Variants in CIAO3 observed in about 807,000 individuals in gnomAD.
CIAO3 encodes the protein cytosolic iron-sulfur assembly component 3.
A neutral mutation model predicts 51.5 loss-of-function variants in CIAO3; 45 were observed. The ratio of observed to expected loss-of-function variants is 0.87; its 90% CI spans 0.69 to 1.12. The LOEUF is 1.12. Ranked by LOEUF, CIAO3 falls within the 50% of genes most tolerant of loss-of-function variation. The probability of loss-of-function intolerance (pLI) is 0.00; values close to 1 mark genes in which losing one functional copy is unlikely to be tolerated. For missense variants in CIAO3, 668 were observed against 632.5 expected (o/e 1.06, Z -0.60); for synonymous variants, 314 against 269.3 (o/e 1.17, Z -1.63).
At position 736,242 on chromosome 16, in the gene CIAO3, TGTTA is replaced by T. The variant is rs1567345357; in HGVS notation, c.439+20_439+23del. 6 of 1,612,024 alleles carry T rather than the reference TGTTA, an allele frequency of 3.7e-6. No homozygotes were observed. Among genetic ancestry groups the T allele is most frequent in the Middle Eastern group, 1.7e-4 (1 of 6,050 alleles). Reference sequence around the variant, plus strand: ...ACGCCCCCTTGATTTGGAGCGGCAGTGTTACCCCAGGTTCAAAGCCTACCTATTT... The same window carrying T: ...ACGCCCCCTTGATTTGGAGCGGCAGTCCCCAGGTTCAAAGCCTACCTATTT... On this transcript the variant is annotated intron_variant, in intron 4 of 10. Coordinates refer to ENST00000251588, the MANE Select transcript of CIAO3 (RefSeq NM_022493.3).
Position 730,975 on chromosome 16 carries a change from G to C in CIAO3, c.1060C>G (p.Leu354Val). Reference sequence around the variant, plus strand: ...AGCAGCACCTGGCCCTCCTTCTCCAGTGTCACCTCCTGGAAGTCTTTGTTC... The same window carrying C: ...AGCAGCACCTGGCCCTCCTTCTCCACTGTCACCTCCTGGAAGTCTTTGTTC... ...LRNKDFQEVT[L>V]EKEGQVLLHF... The change falls in exon 10 of 11, where the codon CTG (leucine) becomes GTG (valine). Residue 354 changes from leucine (L) to valine (V), a missense_variant. Leu to Val is a conservative substitution (Grantham distance 32). Transcript: ENST00000251588. The C allele has an allele frequency of 6.2e-7, 1 of 1,612,926 alleles. No individual in the cohort carries two copies. Among genetic ancestry groups the C allele is most frequent in the Non-Finnish European group, 8.5e-7 (1 of 1,179,972 alleles).
intron 4 of CIAO3, chr16:735,348 T>C (rs187545127): frequency 6.3e-6 from 1 of 158,880 alleles, no homozygotes; most frequent in Non-Finnish European, 1.4e-5. Context: ...GCCCAGCCAT[T>C]AGAACTGCTC....
At position 734,005 on chromosome 16, in the gene CIAO3, C is replaced by G. The variant is rs986357393; in HGVS notation, c.693+224G>C. 8.6e-5 allele frequency: 46 copies of G among 533,688 alleles called. 1 individual carries two copies. The highest frequency in any genetic ancestry group is 1.4e-4 in the Non-Finnish European group (42 of 294,152). The allele number at this position is 533,688 out of a possible 1,614,324, so 33.1% of individuals were successfully genotyped here. A position where few individuals can be genotyped will look rare whatever the true frequency, so the allele number is the denominator to read the frequency against. On this transcript the variant is annotated intron_variant, in intron 6 of 10. Transcript: ENST00000251588. The stretch of plus-strand genomic sequence containing the variant: ...GCCTCCTGCTCCCTCAGCCTCAGGC[C>G]TGGCTGCCTCTGGGTGAGCAGTGAG...
chr16:739,297 TCAAA>T (rs71890589), intron 2 of CIAO3: 79,847 of 289,796 alleles, frequency 0.28, 14,210 homozygotes, highest in East Asian at 0.76. Context: ...AGACTCTGTA[TCAAA>T]CAAACAAACA....
In CIAO3 at chr16:734,336, A is replaced by G; in HGVS notation, c.586T>C (p.Tyr196His). ...AAGCTGCCGTGAGTCTTCTCGGCAT[A>G]GCAGATCCAGCCTGAGGTGACAGGG... ...LASACPGWIC[Y>H]AEKTHGSFIL... Residue 196 changes from tyrosine to histidine, a missense_variant, in exon 6 of 11, where the codon TAT becomes CAT. Coordinates refer to ENST00000251588, the MANE Select transcript of CIAO3 (RefSeq NM_022493.3). 1 of 1,609,988 alleles carries G rather than the reference A, an allele frequency of 6.2e-7. No homozygotes were observed. Among genetic ancestry groups the G allele is most frequent in the Non-Finnish European group, 8.5e-7 (1 of 1,179,430 alleles).
At chr16:734,927 C>A (rs547698551) in intron 4 of CIAO3, 56 bp from the exon 5 acceptor site, 2 of 1,489,332 alleles carry the variant, frequency 1.3e-6, no homozygotes, top group Admixed American at 4.8e-5. Flanking sequence ...CACACGAGCA[C>A]ACGCCGGCGT....
At chr16:736,130 G>A (rs1332970322) in intron 4 of CIAO3, 136 bp downstream of exon 4, 1 of 1,145,218 alleles carries the variant, frequency 8.7e-7, no homozygotes, top group Admixed American at 2.2e-5. Context: ...TGAGGTCACA[G>A]AGGGAATAAA....
rs766639779 is a variant in CIAO3, at chr16:737,254, A to C, written c.238T>G (p.Ser80Ala). Residue 80 changes from serine (S) to alanine (A), a missense_variant, in exon 3 of 11, where the codon TCC becomes GCC. By Grantham distance (99) the Ser-to-Ala change is moderately conservative. Coordinates refer to ENST00000251588, the MANE Select transcript of CIAO3 (RefSeq NM_022493.3). The surrounding 1 kb of genome is among the most constrained non-coding windows in gnomAD (Gnocchi z 5.3). ...TGGGTGATAAGCACGGTCTCTGCGG[A>C]GGTGATGCAGCCGCTGCACGCCAGG... is the stretch of plus-strand genomic sequence containing the variant. ...DCLACSGCITSAETVLITQQS... is the reference protein window; with the variant it reads ...DCLACSGCITAAETVLITQQS... 3.1e-6 allele frequency: 5 copies of C among 1,613,352 alleles called. No homozygotes were observed. Among genetic ancestry groups the C allele is most frequent in the Non-Finnish European group, 4.2e-6 (5 of 1,180,014 alleles).
In CIAO3 at chr16:731,565, C is replaced by A; in HGVS notation, c.1034G>T (p.Arg345Met). The stretch of plus-strand genomic sequence containing the variant: ...CAGAGATCTGGCCCATCCCACTGAC[C>A]TCAGGGGTTTGTAGGTAACCTCAGC... ...HVAEVTYKPL[R>M]NKDFQEVTLE... Residue 345 changes from arginine to methionine, a missense_variant and splice_region_variant, in exon 9 of 11, where the codon AGG becomes ATG. Physicochemically the swap from Arg to Met is moderately conservative, Grantham distance 91. Transcript: ENST00000251588. The A allele has an allele frequency of 6.4e-7, 1 of 1,564,892 alleles. No individual in the cohort carries two copies. The highest frequency in any genetic ancestry group is 8.7e-7 in the Non-Finnish European group (1 of 1,155,298).
rs1469952306 is a variant in CIAO3 at position 737,812 on chromosome 16, AC to A, written c.163-484del. On this transcript the variant is annotated intron_variant, in intron 2 of 10. Transcript: ENST00000251588. The surrounding 1 kb of genome is among the most constrained non-coding windows in gnomAD (Gnocchi z 5.3). ...GCCTCCGGTGGGCGGGGCAGAAACA[AC>A]CGTCAGACTCGCCAAACAGATGCAG... 8.4e-7 allele frequency: 1 copy of A among 1,194,766 alleles called. No homozygotes were observed. The highest frequency in any genetic ancestry group is 1.1e-6 in the Non-Finnish European group (1 of 943,642). 74.0% of individuals were successfully genotyped at this position (1,194,766 alleles called of 1,614,324 possible).
rs1280254749 is a variant in CIAO3 at position 731,695 on chromosome 16, C to T, written c.904G>A (p.Gly302Ser). ...CTGGTGGGCTCCTCTGCAGAGGCAC[C>T]GCTGCACCTGGCAAGGAGGGAGGGG... Reference protein sequence around the residue: ...EPAPLDSLCSGASAEEPTSHR... With the variant: ...EPAPLDSLCSSASAEEPTSHR... Residue 302 changes from glycine to serine, a missense_variant, in exon 9 of 11, where the codon GGT becomes AGT. Physicochemically the swap from Gly to Ser is moderately conservative, Grantham distance 56 (BLOSUM62 0). Coordinates refer to ENST00000251588, the MANE Select transcript of CIAO3 (RefSeq NM_022493.3). The T allele has an allele frequency of 2.5e-5, 39 of 1,553,700 alleles. No individual in the cohort carries two copies. The highest frequency in any genetic ancestry group is 7.2e-5 in the East Asian group (3 of 41,912).
rs150800501 is a variant in CIAO3 at position 738,044 on chromosome 16, GCT to G, written c.163-717_163-716del. 3.0e-3 allele frequency: 3,307 copies of G among 1,106,816 alleles called. 84 individuals carry two copies. In the African/African-American group the frequency reaches 0.051, roughly 17 times the overall value. The allele number at this position is 1,106,816 out of a possible 1,614,324, so 68.6% of individuals were successfully genotyped here. A position where few individuals can be genotyped will look rare whatever the true frequency, so the allele number is the denominator to read the frequency against. ...CTGTGTGGGAACCCCTCGCAGCCCAGCTCTCTGCTAGGCCTGTGTATCACAAT... is the reference window on the plus strand; with the variant it reads ...CTGTGTGGGAACCCCTCGCAGCCCAGCTCTGCTAGGCCTGTGTATCACAAT... On this transcript the variant is annotated intron_variant, in intron 2 of 10. Coordinates refer to ENST00000251588, the MANE Select transcript of CIAO3 (RefSeq NM_022493.3).
chr16:738,936 G>A (rs1005860775), intron 2 of CIAO3, among the ~76,000 whole-genome samples: 1 of 148,536 alleles, frequency 6.7e-6, no homozygotes, highest in Non-Finnish European at 1.5e-5. Flanking sequence ...GAGCCACCGC[G>A]CCCAGCCTGA....
chr16:730,555 C>A lies in CIAO3; in HGVS notation c.1293G>T (p.Ala431=), dbSNP rs368193380. Residue 431 remains alanine (A), a synonymous_variant, in exon 11 of 11, where the codon GCG becomes GCT. Coordinates refer to ENST00000251588, the MANE Select transcript of CIAO3 (RefSeq NM_022493.3). ...ERLYGMVRAE[A]PEDAPGVQEL... is the part of the protein sequence containing the mutation. ...CCTGAACCCCAGGCGCGTCCTCGGGCGCCTCAGCCCGGACCATGCCGTACA... is the reference window on the plus strand; with the variant it reads ...CCTGAACCCCAGGCGCGTCCTCGGGAGCCTCAGCCCGGACCATGCCGTACA... 4 of 1,610,906 alleles carry A rather than the reference C, an allele frequency of 2.5e-6. No individual in the cohort carries two copies. The African/African-American group carries it at 4.0e-5, about 16-fold the overall frequency.
At chr16:732,555 C>G in intron 7 of CIAO3, 182 bp from the exon 8 acceptor site, 1 of 708,054 alleles carries the variant, frequency 1.4e-6, no homozygotes, top group African/African-American at 1.7e-5. Context: ...CTGGAGGCTG[C>G]CTGGTCCTGC....
Position 731,654 on chromosome 16 carries a change from G to GC in CIAO3, c.944dup (p.Ser316LeufsTer23). The GC allele has an allele frequency of 6.4e-7, 1 of 1,557,910 alleles. No homozygotes were observed. Among genetic ancestry groups the GC allele is most frequent in the Non-Finnish European group, 8.7e-7 (1 of 1,151,660 alleles). On this transcript the variant is annotated frameshift_variant, in exon 9 of 11. Coordinates refer to ENST00000251588, the MANE Select transcript of CIAO3 (RefSeq NM_022493.3). LOFTEE classifies it high-confidence loss of function. Reference sequence around the variant, plus strand: ...ACACGTGCTCCAGGTAGCCCCCCGAGCCCCCTCCCCGATGGCTGGTGGGCT... The same window carrying GC: ...ACACGTGCTCCAGGTAGCCCCCCGAGCCCCCCTCCCCGATGGCTGGTGGGCT...
rs796412275 is a variant in CIAO3 at position 730,723 on chromosome 16, G to A, written c.1193-68C>T. The A allele has an allele frequency of 3.8e-6, 6 of 1,583,416 alleles. No homozygotes were observed. In the South Asian group the frequency reaches 5.6e-5, roughly 15 times the overall value. On this transcript the variant is annotated intron_variant, in intron 10 of 10. Coordinates refer to ENST00000251588, the MANE Select transcript of CIAO3 (RefSeq NM_022493.3). ...AGCCAAGCTTCCTGACCACCAGGGA[G>A]CAGGGAGGTGACCGGGCCCCCTCTG...
intron 5 of CIAO3, 140 bp from the exon 6 acceptor site, chr16:734,487 C>G: frequency 2.4e-6 from 2 of 841,436 alleles, no homozygotes; most frequent in Non-Finnish European, 3.8e-6. Flanking sequence ...TTCCTGTTCT[C>G]CCCACCACCA....
Position 732,360 on chromosome 16 carries a change from C to G in CIAO3, c.837G>C (p.Arg279Ser). 6.2e-7 allele frequency: 1 copy of G among 1,612,924 alleles called. No homozygotes were observed. Among genetic ancestry groups the G allele is most frequent in the Non-Finnish European group, 8.5e-7 (1 of 1,179,904 alleles). Reference protein sequence around the residue: ...DCVLTTGEVFRLLEEEGVSLP... With the variant: ...DCVLTTGEVFSLLEEEGVSLP... ...GGGAGACGCCCTCTTCCTCCAGCAACCTGAAAACTTCTCCTGCAAAGAAGC... is the reference window on the plus strand; with the variant it reads ...GGGAGACGCCCTCTTCCTCCAGCAAGCTGAAAACTTCTCCTGCAAAGAAGC... The change falls in exon 8 of 11, where the codon AGG becomes AGC. Residue 279 changes from arginine (R) to serine (S), a missense_variant. By Grantham distance (110) the Arg-to-Ser change is moderately radical. Coordinates refer to ENST00000251588, the MANE Select transcript of CIAO3 (RefSeq NM_022493.3).
Sources: allele counts gnomAD v4.1 joint callset (sites outside exome capture counted in the v4.1 genomes callset), GRCh38; gene constraint gnomAD v4.1.1; non-coding constraint Gnocchi (gnomAD v3.1); transcripts MANE v1.5; gene names NCBI Gene and HGNC (gene_info 2026-07-23, HGNC 2026-07-21).